The following SMAD6 variants were observed in gnomAD, a reference collection of about 807,000 sequenced individuals.
The protein encoded by SMAD6 is MAD homolog 6.
A neutral mutation model predicts 39.4 loss-of-function variants in SMAD6; 103 were observed. That is an observed-to-expected ratio of 2.62 (90% CI 2.23 to 3.08). The LOEUF is 3.08. Among genes scored for constraint, SMAD6 ranks in the 30% most tolerant of loss-of-function variants. The pLI is 0.00. For synonymous variants in SMAD6, 445 were observed against 353.3 expected (o/e 1.26, Z -2.91); for missense variants, 1,104 against 742.9 (o/e 1.49, Z -5.65).
chr15:66,708,793 A>G (rs918317723), intron 1 of SMAD6: 8 of 463,834 alleles, frequency 1.7e-5, no homozygotes, highest in African/African-American at 8.0e-5. Flanking sequence ...GTGACTGCCA[A>G]TGGGGATGGT....
chr15:66,743,174 G>A (rs78234660), intron 3 of SMAD6, among the ~76,000 whole-genome samples: 3,050 of 152,158 alleles, frequency 0.02, 98 homozygotes, highest in African/African-American at 0.07. Flanking sequence ...CTTTTTCCTC[G>A]TGGGATCCTG....
At chr15:66,715,559 TA>T (rs773528212) in intron 2 of SMAD6, among the ~76,000 whole-genome samples, 2 of 152,106 alleles carry the variant, frequency 1.3e-5, no homozygotes, top group Non-Finnish European at 2.9e-5. Flanking sequence ...GCCTGTCCCT[TA>T]ACGGGGACAA....
At chr15:66,744,194 A>G (rs1470283948) in intron 3 of SMAD6, among the ~76,000 whole-genome samples, 1 of 152,152 alleles carries the variant, frequency 6.6e-6, no homozygotes, top group Admixed American at 6.5e-5. Flanking sequence ...CCAAACCACG[A>G]GCCCAGAAAG....
chr15:66,722,253 G>C (rs2469117), intron 3 of SMAD6, among the ~76,000 whole-genome samples: 1 of 152,126 alleles, frequency 6.6e-6, no homozygotes, highest in East Asian at 1.9e-4. Flanking sequence ...AGCCTGTCAC[G>C]TGAGAGTGCT....
At chr15:66,778,543 G>A (rs1894505806) in intron 3 of SMAD6, among the ~76,000 whole-genome samples, 1 of 152,314 alleles carries the variant, frequency 6.6e-6, no homozygotes, top group South Asian at 2.1e-4. Flanking sequence ...AGACAGTAAA[G>A]TGAGTCCTCC....
rs1893007676 is a variant in SMAD6 at position 66,703,006 on chromosome 15, C to G, written c.-253C>G. 2 of 356,884 alleles carry G rather than the reference C, an allele frequency of 5.6e-6. No individual in the cohort carries two copies. The highest frequency in any genetic ancestry group is 7.5e-4 in the Middle Eastern group (1 of 1,330). 22.1% of individuals were successfully genotyped at this position (356,884 alleles called of 1,614,324 possible). On this transcript the variant is annotated 5_prime_UTR_variant, in exon 1 of 4. Coordinates refer to ENST00000288840, the MANE Select transcript of SMAD6 (RefSeq NM_005585.5). Reference sequence around the variant, plus strand: ...TGTTGAGCAGCCCCGCCGCTGTGGTCCATGTAGCCGCTGGCCGCGCGCGGA... The same window carrying G: ...TGTTGAGCAGCCCCGCCGCTGTGGTGCATGTAGCCGCTGGCCGCGCGCGGA...
At chr15:66,728,430 G>T (rs553069739) in intron 3 of SMAD6, among the ~76,000 whole-genome samples, 1 of 151,474 alleles carries the variant, frequency 6.6e-6, no homozygotes, top group East Asian at 1.9e-4. Context: ...TTTTTGAGGT[G>T]GAGTCTGGTT....
chr15:66,702,893 C>T lies in SMAD6; in HGVS notation c.-366C>T. ...GAGCGCTTTGTGCTCATGGACCAGC[C>T]GCACAACTTTTGAAGGCTCGCCGGC... is the stretch of plus-strand genomic sequence containing the variant. On this transcript the variant is annotated 5_prime_UTR_variant, in exon 1 of 4. Coordinates refer to ENST00000288840, the MANE Select transcript of SMAD6 (RefSeq NM_005585.5). 5.0e-6 allele frequency: 1 copy of T among 198,774 alleles called. No individual in the cohort carries two copies. Among genetic ancestry groups the T allele is most frequent in the African/African-American group, 2.3e-5 (1 of 43,380 alleles). 12.3% of individuals were successfully genotyped at this position (198,774 alleles called of 1,614,324 possible). A position where few individuals can be genotyped will look rare whatever the true frequency, so the allele number is the denominator to read the frequency against.
chr15:66,750,891 G>A (rs899888995), intron 3 of SMAD6, among the ~76,000 whole-genome samples: 3 of 152,252 alleles, frequency 2.0e-5, no homozygotes, highest in African/African-American at 2.4e-5. Flanking sequence ...CAGGCAGGGC[G>A]AGTCCTAGGA....
intron 1 of SMAD6, chr15:66,706,581 A>T (rs1893116066): frequency 6.6e-6 from 1 of 152,310 alleles, no homozygotes; most frequent in South Asian, 2.1e-4. Flanking sequence ...GCTGGGGCTC[A>T]GCGGTGCGCG....
In SMAD6 at chr15:66,754,169, T is replaced by C. The variant is rs368130049; in HGVS notation, c.953-26828T>C. 5.9e-5 allele frequency among the ~76,000 whole-genome samples: 9 copies of C among 152,250 alleles called. No homozygotes were observed. The East Asian group carries it at 1.7e-3, about 29-fold the overall frequency. On this transcript the variant is annotated intron_variant, in intron 3 of 3. Transcript: ENST00000288840. The stretch of plus-strand genomic sequence containing the variant: ...CCTGACTCTGTTGTATTCTCTGGAC[T>C]CCTTCAACCTCTGCCACTCTCAGTA...
Position 66,726,236 on chromosome 15 carries a change from G to C in SMAD6, c.952+9738G>C, listed in dbSNP as rs748563062. Among the ~76,000 whole-genome samples, 33 of 152,296 alleles carry C rather than the reference G, an allele frequency of 2.2e-4. 1 individual carries two copies. The Middle Eastern group carries it at 0.01, about 47-fold the overall frequency. ...GGCAGATGTTGGGAATGAGGCTTGG[G>C]GGACTTGGCTCTGAGGGCAGAGTCT... is the stretch of plus-strand genomic sequence containing the variant. On this transcript the variant is annotated intron_variant, in intron 3 of 3. Transcript: ENST00000288840.
At chr15:66,778,163 G>C (rs1387737893) in intron 3 of SMAD6, among the ~76,000 whole-genome samples, 1 of 151,294 alleles carries the variant, frequency 6.6e-6, no homozygotes, top group Non-Finnish European at 1.5e-5. Flanking sequence ...GTTCCCGGTA[G>C]CTTCAAACTT....
intron 3 of SMAD6, among the ~76,000 whole-genome samples, chr15:66,763,619 C>T (rs1037181369): frequency 2.6e-5 from 4 of 152,242 alleles, no homozygotes; most frequent in African/African-American, 9.6e-5. Flanking sequence ...TGCCACTCCA[C>T]ACTCCCCAGC....
intron 3 of SMAD6, among the ~76,000 whole-genome samples, chr15:66,730,556 T>C (rs1055907480): frequency 6.6e-6 from 1 of 152,222 alleles, no homozygotes; most frequent in Non-Finnish European, 1.5e-5. Flanking sequence ...CTGGTGGCCC[T>C]GGCGCCTAGC....
chr15:66,724,731 C>G (rs890837837), intron 3 of SMAD6, among the ~76,000 whole-genome samples: 1 of 152,116 alleles, frequency 6.6e-6, no homozygotes, highest in Non-Finnish European at 1.5e-5. Context: ...CAATGATCAC[C>G]CCAAGCCCCC....
At chr15:66,715,543 G>T (rs1893311737) in intron 2 of SMAD6, among the ~76,000 whole-genome samples, 1 of 152,152 alleles carries the variant, frequency 6.6e-6, no homozygotes, top group African/African-American at 2.4e-5. Flanking sequence ...TCCAACTCCT[G>T]GACAGGCCTG....
At chr15:66,764,630 G>A (rs1192158274) in intron 3 of SMAD6, among the ~76,000 whole-genome samples, 3 of 152,104 alleles carry the variant, frequency 2.0e-5, no homozygotes, top group Non-Finnish European at 2.9e-5. Context: ...TTGACAGCTC[G>A]GTGGATACTG....
At chr15:66,778,417 T>G (rs1448390425) in intron 3 of SMAD6, among the ~76,000 whole-genome samples, 4 of 152,114 alleles carry the variant, frequency 2.6e-5, no homozygotes, top group Admixed American at 2.6e-4. Context: ...CCCCTGTCCT[T>G]CCCCAGCTAG....
Sources: gnomAD v4.1 joint callset for allele counts (sites outside exome capture counted in the v4.1 genomes callset) on GRCh38, gnomAD v4.1.1 for gene constraint, MANE v1.5 for transcripts, NCBI Gene and HGNC (gene_info 2026-07-23, HGNC 2026-07-21) for gene names.